The following SLC8A1 variants were observed in gnomAD, a reference collection of about 807,000 sequenced individuals.
SLC8A1 encodes the protein solute carrier family 8 member A1.
A neutral mutation model predicts 68.3 loss-of-function variants in SLC8A1; 18 were observed. The ratio of observed to expected loss-of-function variants is 0.26; its 90% CI spans 0.18 to 0.39. SLC8A1 has a LOEUF of 0.39. Among genes scored for constraint, SLC8A1 ranks in the 10% least tolerant of loss-of-function variants. The probability of loss-of-function intolerance (pLI) is 1.00; values close to 1 mark genes in which losing one functional copy is unlikely to be tolerated. For synonymous variants in SLC8A1, 475 were observed against 415.5 expected (o/e 1.14, Z -1.74); for missense variants, 985 against 1,156.7 (o/e 0.85, Z 2.15).
intron 6 of SLC8A1, 82 bp downstream of exon 9, chr2:40,160,683 C>T: frequency 8.1e-7 from 1 of 1,233,984 alleles, no homozygotes; most frequent in Non-Finnish European, 1.2e-6. Flanking sequence ...TGGTGCTTTG[C>T]CATAGACCAA....
intron 2 of SLC8A1, among the ~76,000 whole-genome samples, chr2:40,356,456 T>G (rs1326241704): frequency 6.6e-6 from 1 of 152,120 alleles, no homozygotes; most frequent in Admixed American, 6.6e-5. Flanking sequence ...AAAAATCGCG[T>G]GAATACTTCC....
intron 2 of SLC8A1, among the ~76,000 whole-genome samples, chr2:40,314,678 C>T (rs959808540): frequency 1.3e-5 from 2 of 152,002 alleles, no homozygotes; most frequent in Non-Finnish European, 2.9e-5. Context: ...TAATTACTCT[C>T]AGGAATGTTT....
chr2:40,222,412 C>G (rs1276998941), intron 2 of SLC8A1, among the ~76,000 whole-genome samples: 1 of 152,142 alleles, frequency 6.6e-6, no homozygotes, highest in Non-Finnish European at 1.5e-5. Context: ...AGACCTAAAA[C>G]CATAAAAACC....
chr2:40,229,179 A>G (rs879793210), intron 2 of SLC8A1, among the ~76,000 whole-genome samples: 2 of 152,142 alleles, frequency 1.3e-5, no homozygotes, highest in Admixed American at 1.3e-4. Flanking sequence ...TGTAAACTGA[A>G]TTGGTTCCTT....
rs148045638 is a variant in SLC8A1 at position 40,382,624 on chromosome 2, T to C, written c.1808+45849A>G. ...GACAATTATAAAAGACTGGGCAAAA[T>C]ATGTATGAACTCTGCAATTAGATTG... On this transcript the variant is annotated intron_variant, in intron 2 of 7. Coordinates refer to ENST00000406785, the Ensembl canonical transcript of SLC8A1. 3.0e-3 allele frequency among the ~76,000 whole-genome samples: 462 copies of C among 151,908 alleles called. 2 individuals carry two copies. Among genetic ancestry groups the C allele is most frequent in the African/African-American group, 0.011 (447 of 41,410 alleles).
chr2:40,115,109 G>T (rs190612619), exon 8 of SLC8A1: 2 of 522,280 alleles, frequency 3.8e-6, no homozygotes, highest in African/African-American at 2.0e-5. Flanking sequence ...TTTTTACTTC[G>T]GCCCTAGTAC....
chr2:40,252,492 CCAACTAA>C (rs2062918637), intron 2 of SLC8A1, among the ~76,000 whole-genome samples: 1 of 151,974 alleles, frequency 6.6e-6, no homozygotes, highest in Admixed American at 6.6e-5. Context: ...GCCACCAAGC[CCAACTAA>C]TTTTTTGTGC....
chr2:40,475,537 T>C (rs1296699601), intron 1 of SLC8A1, among the ~76,000 whole-genome samples: 1 of 152,148 alleles, frequency 6.6e-6, no homozygotes, highest in Non-Finnish European at 1.5e-5. Flanking sequence ...AATATTTAGT[T>C]TTTAATTCAT....
At chr2:40,178,623 T>A in intron 2 of SLC8A1, 130 bp from the exon 3 acceptor site, 4 of 741,078 alleles carry the variant, frequency 5.4e-6, no homozygotes, top group Non-Finnish European at 6.9e-6. Flanking sequence ...TTCTGTACTG[T>A]GAGTTTTTTC....
intron 2 of SLC8A1, among the ~76,000 whole-genome samples, chr2:40,183,993 G>A (rs921469237): frequency 1.3e-5 from 2 of 151,912 alleles, no homozygotes; most frequent in African/African-American, 4.8e-5. Flanking sequence ...CTGTTTCTAC[G>A]AAAAATCAAA....
intron 2 of SLC8A1, among the ~76,000 whole-genome samples, chr2:40,276,378 T>C (rs2066699986): frequency 6.6e-6 from 1 of 152,218 alleles, no homozygotes; most frequent in Admixed American, 6.5e-5. Context: ...ATTGTTAGCA[T>C]TCATATCTCA....
intron 2 of SLC8A1, among the ~76,000 whole-genome samples, chr2:40,416,592 T>G (rs1229191112): frequency 6.6e-6 from 1 of 152,104 alleles, no homozygotes; most frequent in Non-Finnish European, 1.5e-5. Flanking sequence ...CATAGATTAT[T>G]TACTTCAATG....
chr2:40,191,452 C>A (rs1439469995), intron 2 of SLC8A1, among the ~76,000 whole-genome samples: 1 of 152,154 alleles, frequency 6.6e-6, no homozygotes. Context: ...CTGGTACTTG[C>A]AATTTAAAGC....
chr2:40,414,429 C>T (rs72798670), intron 2 of SLC8A1, among the ~76,000 whole-genome samples: 3 of 152,288 alleles, frequency 2.0e-5, no homozygotes, highest in Admixed American at 1.3e-4. Flanking sequence ...GTTATTTGTA[C>T]ATCTGCTGAG....
intron 2 of SLC8A1, among the ~76,000 whole-genome samples, chr2:40,308,193 G>A (rs2073018361): frequency 6.6e-6 from 1 of 152,054 alleles, no homozygotes; most frequent in African/African-American, 2.4e-5. Flanking sequence ...CTGAGGAGAA[G>A]GTGCCTCATG....
chr2:40,175,412 G>A, intron 3 of SLC8A1, 131 bp from the exon 4 acceptor site: 1 of 796,542 alleles, frequency 1.3e-6, no homozygotes, highest in Non-Finnish European at 2.1e-6. Flanking sequence ...CTAAAAATGG[G>A]TATACCCCAA....
chr2:40,310,755 T>C (rs1257461560), intron 2 of SLC8A1, among the ~76,000 whole-genome samples: 1 of 152,076 alleles, frequency 6.6e-6, no homozygotes, highest in Non-Finnish European at 1.5e-5. Flanking sequence ...GTAGAATACA[T>C]TTTCCACAAT....
chr2:40,205,039 G>C (rs1021470578), intron 2 of SLC8A1, among the ~76,000 whole-genome samples: 3 of 151,690 alleles, frequency 2.0e-5, no homozygotes, highest in African/African-American at 4.8e-5. Context: ...ATATCAGCTG[G>C]GCATATAGTC....
intron 5 of SLC8A1, 118 bp downstream of exon 8, chr2:40,164,736 G>C (rs1265073887): frequency 3.7e-6 from 5 of 1,356,054 alleles, no homozygotes; most frequent in East Asian, 2.3e-5. Context: ...TCACAAGCCA[G>C]TTCCTGAAAT....
Sources: allele counts gnomAD v4.1 joint callset (sites outside exome capture counted in the v4.1 genomes callset), GRCh38; gene constraint gnomAD v4.1.1; transcripts MANE v1.5; gene names NCBI Gene and HGNC (gene_info 2026-07-23, HGNC 2026-07-21).